BRAP: variants seen among roughly 807,000 people sequenced by gnomAD.
BRAP encodes the protein BRCA1 associated protein.
BRAP carries 42 observed loss-of-function variants against 73.4 expected under a neutral mutation model. The observed-to-expected ratio is 0.57, with a 90% CI of 0.45 to 0.74. The LOEUF is 0.74. BRAP is among the 30% of genes least tolerant of loss of function. The pLI, the probability that BRAP is intolerant of heterozygous loss-of-function variation, is 0.00. For missense variants in BRAP, 593 were observed against 751.4 expected (o/e 0.79, Z 2.46); for synonymous variants, 255 against 267.4 (o/e 0.95, Z 0.45).
intron 10 of BRAP, among the ~76,000 whole-genome samples, chr12:111,651,993 C>T (rs555203015): frequency 1.3e-5 from 2 of 151,990 alleles, no homozygotes; most frequent in South Asian, 2.1e-4. Context: ...GATTTAAAAT[C>T]GCTCAAATTC....
At chr12:111,654,914 A>G (rs1340357496) in intron 10 of BRAP, among the ~76,000 whole-genome samples, 2 of 152,180 alleles carry the variant, frequency 1.3e-5, no homozygotes, top group African/African-American at 4.8e-5. Flanking sequence ...AGCCATAATT[A>G]TACACAATTA....
intron 6 of BRAP, among the ~76,000 whole-genome samples, chr12:111,663,908 G>C (rs1886843350): frequency 1.3e-5 from 2 of 152,166 alleles, no homozygotes; most frequent in Non-Finnish European, 2.9e-5. Context: ...CTTTGAGCTT[G>C]CAAATTCTTA....
chr12:111,666,117 TATTC>T (rs1304870429), intron 5 of BRAP, among the ~76,000 whole-genome samples: 1 of 152,262 alleles, frequency 6.6e-6, no homozygotes, highest in Non-Finnish European at 1.5e-5. Flanking sequence ...TTCATTCATT[TATTC>T]ATTCATTCAA....
chr12:111,670,957 G>A (rs7967515), intron 5 of BRAP, among the ~76,000 whole-genome samples: 4 of 151,878 alleles, frequency 2.6e-5, no homozygotes, highest in Admixed American at 6.6e-5. Context: ...AAAAGTAGCC[G>A]GGAGTGATGG....
intron 3 of BRAP, 31 bp downstream of exon 3, chr12:111,681,606 A>G: frequency 7.2e-7 from 1 of 1,387,874 alleles, no homozygotes; most frequent in Non-Finnish European, 9.9e-7. Context: ...AAAAAAATTG[A>G]CTAACCCCCA....
intron 11 of BRAP, among the ~76,000 whole-genome samples, chr12:111,648,724 G>A (rs187939910): frequency 3.9e-5 from 6 of 152,066 alleles, no homozygotes; most frequent in Admixed American, 3.9e-4. Context: ...TCAGGAGATC[G>A]AGACCATCTG....
At chr12:111,649,473 A>C (rs1886239406) in intron 11 of BRAP, among the ~76,000 whole-genome samples, 1 of 152,206 alleles carries the variant, frequency 6.6e-6, no homozygotes, top group Non-Finnish European at 1.5e-5. Context: ...ATCAGTAGCA[A>C]CTATCTTCCC....
chr12:111,681,847 T>C lies in BRAP; in HGVS notation c.245-12A>G. The C allele has an allele frequency of 6.3e-7, 1 of 1,596,384 alleles. No homozygotes were observed. Among genetic ancestry groups the C allele is most frequent in the Non-Finnish European group, 8.5e-7 (1 of 1,171,800 alleles). ...AGTTTTTAGTTCATCTTTCACCAGT[T>C]AAAAAATAGCAGATTATAAATGGAT... On this transcript the variant is annotated splice_polypyrimidine_tract_variant and intron_variant, in intron 2 of 11. Coordinates refer to ENST00000419234, the MANE Select transcript of BRAP (RefSeq NM_006768.5).
At chr12:111,647,388 A>G (rs1245562124) in intron 11 of BRAP, among the ~76,000 whole-genome samples, 1 of 152,260 alleles carries the variant, frequency 6.6e-6, no homozygotes, top group African/African-American at 2.4e-5. Flanking sequence ...ATCCAAAAAC[A>G]TATTTTATCA....
At chr12:111,682,614 A>G (rs1887647729) in intron 2 of BRAP, among the ~76,000 whole-genome samples, 1 of 152,042 alleles carries the variant, frequency 6.6e-6, no homozygotes. Context: ...CTAGGTGGTA[A>G]GAAATTCTCC....
intron 9 of BRAP, among the ~76,000 whole-genome samples, chr12:111,657,771 C>G (rs369061743): frequency 6.6e-6 from 1 of 151,860 alleles, no homozygotes; most frequent in Non-Finnish European, 1.5e-5. Context: ...CCCAGCTACT[C>G]GGAAGGCTGA....
At position 111,681,632 on chromosome 12, in the gene BRAP, C is replaced by G; in HGVS notation, c.443+5G>C. On this transcript the variant is annotated splice_donor_5th_base_variant and intron_variant, in intron 3 of 11. Coordinates refer to ENST00000419234, the MANE Select transcript of BRAP (RefSeq NM_006768.5). The stretch of plus-strand genomic sequence containing the variant: ...CTAACCCCCAAGAAAAGAGGGTTTT[C>G]TTACTTTGTCTTATATAGGTGCATA... 1.4e-6 allele frequency: 2 copies of G among 1,476,670 alleles called. No individual in the cohort carries two copies. Among genetic ancestry groups the G allele is most frequent in the Non-Finnish European group, 1.8e-6 (2 of 1,088,182 alleles). 91.5% of individuals were successfully genotyped at this position (1,476,670 alleles called of 1,614,324 possible). A position where few individuals can be genotyped will look rare whatever the true frequency, so the allele number is the denominator to read the frequency against.
chr12:111,684,002 CA>C (rs1218241451), intron 1 of BRAP, among the ~76,000 whole-genome samples: 1 of 152,090 alleles, frequency 6.6e-6, no homozygotes, highest in Non-Finnish European at 1.5e-5. Context: ...AACAAAATTT[CA>C]AAAACTTGTA....
At chr12:111,679,738 A>G (rs1026557598) in intron 3 of BRAP, among the ~76,000 whole-genome samples, 1 of 151,750 alleles carries the variant, frequency 6.6e-6, no homozygotes, top group African/African-American at 2.4e-5. Context: ...TTAGCCGGGC[A>G]TGGTGGCAGG....
chr12:111,664,581 A>G (rs1245703669), intron 6 of BRAP, among the ~76,000 whole-genome samples: 1 of 152,140 alleles, frequency 6.6e-6, no homozygotes, highest in Admixed American at 6.6e-5. Context: ...AGCTGCAGAG[A>G]CCCAGTTTAT....
At chr12:111,684,661 A>G (rs1300927049) in intron 1 of BRAP, among the ~76,000 whole-genome samples, 2 of 151,624 alleles carry the variant, frequency 1.3e-5, no homozygotes, top group African/African-American at 2.4e-5. Flanking sequence ...ATATGAGCAT[A>G]AGTTTTTTTT....
At chr12:111,661,603 A>C (rs191024841) in intron 6 of BRAP, among the ~76,000 whole-genome samples, 2 of 151,944 alleles carry the variant, frequency 1.3e-5, no homozygotes, top group Admixed American at 1.3e-4. Context: ...ACTCCAACAA[A>C]CAACCTGCCT....
intron 10 of BRAP, among the ~76,000 whole-genome samples, chr12:111,652,617 T>A (rs976822955): frequency 6.6e-6 from 1 of 152,248 alleles, no homozygotes; most frequent in Non-Finnish European, 1.5e-5. Context: ...GGCTCACGCC[T>A]GTAATCCCAG....
rs372793914 is a variant in BRAP, at chr12:111,674,850, A to C, written c.634-2076T>G. Among the ~76,000 whole-genome samples, 22 of 152,284 alleles carry C rather than the reference A, an allele frequency of 1.4e-4. 3 individuals are homozygous for C. The highest frequency in any genetic ancestry group is 5.8e-4 in the East Asian group (3 of 5,182). On this transcript the variant is annotated intron_variant, in intron 4 of 11. Transcript: ENST00000419234. Reference sequence around the variant, plus strand: ...AGCAGCAAAGTCAGCACATGGATTCACCAGGAGAAAACGGACTGCCTGAAA... The same window carrying C: ...AGCAGCAAAGTCAGCACATGGATTCCCCAGGAGAAAACGGACTGCCTGAAA...
Sources: allele counts gnomAD v4.1 joint callset (sites outside exome capture counted in the v4.1 genomes callset), GRCh38; gene constraint gnomAD v4.1.1; transcripts MANE v1.5; gene names NCBI Gene and HGNC (gene_info 2026-07-23, HGNC 2026-07-21).